PLCG2: variants seen among roughly 807,000 people sequenced by gnomAD.
The protein encoded by PLCG2 is 1-phosphatidylinositol 4,5-bisphosphate phosphodiesterase gamma-2.
In PLCG2, 69 loss-of-function variants were observed where a neutral mutation model predicts 175.6. The observed-to-expected ratio is 0.39, with a 90% CI of 0.32 to 0.48. The LOEUF (loss-of-function observed/expected upper bound fraction) is 0.48, where lower values mean the gene tolerates loss of function less well. Among genes scored for constraint, PLCG2 ranks in the 20% least tolerant of loss-of-function variants. The pLI is 0.91. For synonymous variants in PLCG2, 827 were observed against 624.0 expected (o/e 1.33, Z -4.85); for missense variants, 1,798 against 1,650.9 (o/e 1.09, Z -1.54).
chr16:81,791,438 ATTC>A (rs928234582), intron 2 of PLCG2, among the ~76,000 whole-genome samples: 1 of 152,154 alleles, frequency 6.6e-6, no homozygotes, highest in South Asian at 2.1e-4. Flanking sequence ...CAGCTGGGCA[ATTC>A]TTCTACTCTT....
intron 22 of PLCG2, among the ~76,000 whole-genome samples, chr16:81,924,377 A>G (rs896715909): frequency 8.5e-5 from 13 of 152,256 alleles, no homozygotes; most frequent in African/African-American, 2.2e-4. Flanking sequence ...GAGTGCTTCT[A>G]TGTGTCAAGC....
intron 30 of PLCG2, among the ~76,000 whole-genome samples, chr16:81,943,908 A>C (rs1362633682): frequency 6.6e-6 from 1 of 152,192 alleles, no homozygotes; most frequent in African/African-American, 2.4e-5. Flanking sequence ...ACTGTCACTC[A>C]AGTATAAAAT....
intron 2 of PLCG2, among the ~76,000 whole-genome samples, chr16:81,807,265 G>A (rs1027081301): frequency 6.6e-6 from 1 of 152,174 alleles, no homozygotes; most frequent in Non-Finnish European, 1.5e-5. Flanking sequence ...TGGGACCCAA[G>A]AAAGGGCAGG....
intron 2 of PLCG2, among the ~76,000 whole-genome samples, chr16:81,762,033 A>G (rs1184777123): frequency 6.6e-6 from 1 of 151,562 alleles, no homozygotes; most frequent in Admixed American, 6.6e-5. Context: ...GGGTTTCCCT[A>G]TGTGGTGGCT....
chr16:81,757,489 A>T (rs998314474), intron 2 of PLCG2, among the ~76,000 whole-genome samples: 1 of 152,076 alleles, frequency 6.6e-6, no homozygotes, highest in African/African-American at 2.4e-5. Flanking sequence ...GCTTGAATCC[A>T]GGAGACAGAG....
chr16:81,882,283 C>A (rs1278043793), intron 8 of PLCG2, among the ~76,000 whole-genome samples: 1 of 152,110 alleles, frequency 6.6e-6, no homozygotes, highest in African/African-American at 2.4e-5. Flanking sequence ...GGGAGTCCTG[C>A]CTTTATTCGG....
chr16:81,931,068 G>A (rs1238223561), intron 24 of PLCG2, among the ~76,000 whole-genome samples: 1 of 151,922 alleles, frequency 6.6e-6, no homozygotes, highest in Non-Finnish European at 1.5e-5. Flanking sequence ...TGGACAAGAG[G>A]GTATTTTTTT....
At chr16:81,783,165 C>T (rs952948658) in intron 1 of PLCG2, 3 of 486,960 alleles carry the variant, frequency 6.2e-6, no homozygotes, top group African/African-American at 1.9e-5. Flanking sequence ...GTGTTTCCTA[C>T]TTATGTTCCA....
chr16:81,958,522 T>C lies in PLCG2; in HGVS notation c.*524T>C, dbSNP rs1911664403. On this transcript the variant is annotated 3_prime_UTR_variant, in exon 33 of 33. Coordinates refer to ENST00000564138, the MANE Select transcript of PLCG2 (RefSeq NM_002661.5). ...AGGCAGCCTGCTCAGTTCAATGTACTTTAACTACCACCGGCTGCCTGCTGC... is the reference window on the plus strand; with the variant it reads ...AGGCAGCCTGCTCAGTTCAATGTACCTTAACTACCACCGGCTGCCTGCTGC... 4.4e-6 allele frequency: 1 copy of C among 227,136 alleles called. No homozygotes were observed. The highest frequency in any genetic ancestry group is 5.7e-5 in the Admixed American group (1 of 17,630). The allele number at this position is 227,136 out of a possible 1,614,324, so 14.1% of individuals were successfully genotyped here.
chr16:81,877,177 G>A (rs770623769), intron 7 of PLCG2, among the ~76,000 whole-genome samples: 7 of 152,188 alleles, frequency 4.6e-5, no homozygotes, highest in African/African-American at 1.4e-4. Context: ...CAGAAGTGTC[G>A]GGCACGGTGG....
chr16:81,766,588 C>T (rs968240526), intron 2 of PLCG2: 1 of 152,730 alleles, frequency 6.5e-6, no homozygotes. Flanking sequence ...TTATATTCAT[C>T]TGCTCTGCTA....
At chr16:81,777,169 C>T (rs541030949), upstream of PLCG2, among the ~76,000 whole-genome samples, 3 of 152,138 alleles carry the variant, frequency 2.0e-5, no homozygotes, top group East Asian at 5.8e-4. Context: ...TTGCTTCCCA[C>T]AGATGAGAGA....
At chr16:81,797,005 T>G (rs1911499969) in intron 2 of PLCG2, among the ~76,000 whole-genome samples, 1 of 152,204 alleles carries the variant, frequency 6.6e-6, no homozygotes, top group South Asian at 2.1e-4. Context: ...TGGGTTGTGG[T>G]TTGTCATAAC....
At chr16:81,800,787 A>C (rs2143243913) in intron 2 of PLCG2, among the ~76,000 whole-genome samples, 1 of 152,148 alleles carries the variant, frequency 6.6e-6, no homozygotes, top group South Asian at 2.1e-4. Flanking sequence ...ATTACTCTAT[A>C]CGGCAAAATG....
chr16:81,956,631 G>A, intron 31 of PLCG2, 64 bp from the exon 32 acceptor site: 1 of 1,451,308 alleles, frequency 6.9e-7, no homozygotes. Flanking sequence ...TGAGATGCCA[G>A]GTTCACATTT....
chr16:81,904,592 T>A (rs548282976), intron 14 of PLCG2, among the ~76,000 whole-genome samples: 1 of 152,292 alleles, frequency 6.6e-6, no homozygotes, highest in East Asian at 1.9e-4. Context: ...GCCCAGCCTG[T>A]TCCCTCTGGA....
upstream of PLCG2, chr16:81,739,092 C>T (rs1420138566): frequency 1.3e-5 from 2 of 151,966 alleles, no homozygotes; most frequent in Non-Finnish European, 2.9e-5. Flanking sequence ...CGCCGTCGGG[C>T]CTTCTCCCTC....
chr16:81,753,029 T>C (rs1292140700), intron 1 of PLCG2, among the ~76,000 whole-genome samples: 1 of 152,166 alleles, frequency 6.6e-6, no homozygotes, highest in Non-Finnish European at 1.5e-5. Flanking sequence ...TTAATAATGG[T>C]ATGAGCTACT....
intron 18 of PLCG2, among the ~76,000 whole-genome samples, chr16:81,912,354 C>G (rs1450758484): frequency 6.6e-6 from 1 of 152,268 alleles, no homozygotes; most frequent in Non-Finnish European, 1.5e-5. Flanking sequence ...GTGTGAACCA[C>G]TGTGCTCGGC....
Sources: gnomAD v4.1 joint callset for allele counts (sites outside exome capture counted in the v4.1 genomes callset) on GRCh38, gnomAD v4.1.1 for gene constraint, MANE v1.5 for transcripts, NCBI Gene and HGNC (gene_info 2026-07-23, HGNC 2026-07-21) for gene names.